Variants in NUP58 observed in about 807,000 individuals in gnomAD.
NUP58 encodes the protein nucleoporin p58/p45.
NUP58 carries 17 observed loss-of-function variants against 70.1 expected under a neutral mutation model. The ratio of observed to expected loss-of-function variants is 0.24; its 90% CI spans 0.17 to 0.36. The LOEUF (loss-of-function observed/expected upper bound fraction) is 0.36. NUP58 is among the 10% of genes least tolerant of loss of function. The probability of loss-of-function intolerance (pLI) is 1.00; values close to 1 mark genes in which losing one functional copy is unlikely to be tolerated. For missense variants in NUP58, 644 were observed against 701.5 expected, an observed-to-expected ratio of 0.92 and a Z score of 0.93; for synonymous variants, 275 against 257.6, an observed-to-expected ratio of 1.07 and a Z score of -0.65.
At chr13:25,323,855 G>A (rs1159270503) in intron 9 of NUP58, among the ~76,000 whole-genome samples, 1 of 152,150 alleles carries the variant, frequency 6.6e-6, no homozygotes, top group Non-Finnish European at 1.5e-5. Flanking sequence ...GCTTCAGCAG[G>A]CATTAGGGAT....
chr13:25,340,557 A>G lies in NUP58; in HGVS notation c.*423A>G, dbSNP rs2031923627. The G allele has an allele frequency of 6.5e-6, 1 of 153,548 alleles. No homozygotes were observed. Among genetic ancestry groups the G allele is most frequent in the African/African-American group, 2.4e-5 (1 of 41,492 alleles). 9.5% of individuals were successfully genotyped at this position (153,548 alleles called of 1,614,324 possible). On this transcript the variant is annotated 3_prime_UTR_variant, in exon 16 of 16. Coordinates refer to ENST00000381736, the MANE Select transcript of NUP58 (RefSeq NM_014089.4). ...CCTTGTTAAAGGCCTTTTGAATTAT[A>G]CTGCAGGGCATCTTGTGAATATGTA...
downstream of NUP58, among the ~76,000 whole-genome samples, chr13:25,344,996 AG>A (rs2032031662): frequency 6.6e-6 from 1 of 152,308 alleles, no homozygotes; most frequent in Middle Eastern, 3.4e-3. Flanking sequence ...TGTCCTGGGA[AG>A]TCTTGAGTTG....
intron 3 of NUP58, among the ~76,000 whole-genome samples, chr13:25,312,594 C>G (rs1021501802): frequency 2.6e-5 from 4 of 152,180 alleles, no homozygotes; most frequent in Non-Finnish European, 5.9e-5. Flanking sequence ...TCTTGAACTC[C>G]TGACCTCAAG....
At chr13:25,337,716 G>A (rs2031832991) in intron 14 of NUP58, among the ~76,000 whole-genome samples, 1 of 151,972 alleles carries the variant, frequency 6.6e-6, no homozygotes, top group African/African-American at 2.4e-5. Flanking sequence ...AATATAAGAC[G>A]GGAGACCTAT....
intron 10 of NUP58, among the ~76,000 whole-genome samples, chr13:25,325,563 A>G (rs188845935): frequency 3.9e-5 from 6 of 152,318 alleles, no homozygotes; most frequent in Non-Finnish European, 4.4e-5. Flanking sequence ...ACTGATGTTT[A>G]CCAAATGCTT....
intron 1 of NUP58, among the ~76,000 whole-genome samples, chr13:25,303,502 G>A (rs73466645): frequency 6.6e-6 from 1 of 150,988 alleles, no homozygotes; most frequent in Non-Finnish European, 1.5e-5. Context: ...TTCTCTCATG[G>A]TCCTGATCTT....
At chr13:25,343,370 A>G (rs1033256227), downstream of NUP58, among the ~76,000 whole-genome samples, 2 of 151,504 alleles carry the variant, frequency 1.3e-5, no homozygotes, top group African/African-American at 4.8e-5. Flanking sequence ...CATGTGCACA[A>G]TGTGCAGGGT....
At chr13:25,332,567 T>G in intron 13 of NUP58, 1 of 985,410 alleles carries the variant, frequency 1.0e-6, no homozygotes, top group Non-Finnish European at 1.2e-6. Context: ...TAGATTGCAT[T>G]CAAGCTACCT....
At chr13:25,320,403 C>A in intron 7 of NUP58, 127 bp from the exon 8 acceptor site, 1 of 596,746 alleles carries the variant, frequency 1.7e-6, no homozygotes. Flanking sequence ...TGAAATCATC[C>A]AGAGAAGCCA....
At chr13:25,311,808 TA>T (rs1449212835) in intron 3 of NUP58, among the ~76,000 whole-genome samples, 7 of 152,084 alleles carry the variant, frequency 4.6e-5, no homozygotes, top group Admixed American at 4.6e-4. Context: ...CTAAGGTTTT[TA>T]AGGATGCTTG....
intron 3 of NUP58, among the ~76,000 whole-genome samples, chr13:25,310,206 ATTT>A (rs796547133): frequency 2.3e-3 from 110 of 47,488 alleles, no homozygotes; most frequent in South Asian, 8.0e-3. Context: ...CCCTTGGCTA[ATTT>A]TTTTTTTTTT....
At chr13:25,327,329 A>T in intron 11 of NUP58, 101 bp from the exon 12 acceptor site, 1 of 673,408 alleles carries the variant, frequency 1.5e-6, no homozygotes, top group Non-Finnish European at 2.5e-6. Context: ...TTTTTCTCCT[A>T]CACGTTAACT....
At chr13:25,333,138 G>C in intron 13 of NUP58, 2 of 985,136 alleles carry the variant, frequency 2.0e-6, no homozygotes, top group Non-Finnish European at 2.4e-6. Context: ...GTGTGTGTGT[G>C]TGTTTAACTT....
chr13:25,328,117 T>C (rs1414506641), intron 12 of NUP58, among the ~76,000 whole-genome samples: 1 of 151,866 alleles, frequency 6.6e-6, no homozygotes, highest in Non-Finnish European at 1.5e-5. Context: ...GAGAATCGCT[T>C]GAACCCAGGA....
intron 13 of NUP58, chr13:25,334,177 C>T (rs769305237): frequency 8.4e-5 from 83 of 985,218 alleles, no homozygotes; most frequent in Middle Eastern, 5.2e-4. Context: ...ACGTGGATAA[C>T]GTAGTTCCAT....
downstream of NUP58, among the ~76,000 whole-genome samples, chr13:25,346,045 T>G (rs2032045589): frequency 6.6e-6 from 1 of 152,196 alleles, no homozygotes; most frequent in Admixed American, 6.5e-5. Flanking sequence ...CCACCCCTCT[T>G]TTAATCCCCC....
intron 3 of NUP58, among the ~76,000 whole-genome samples, chr13:25,309,622 A>G (rs553901620): frequency 6.6e-6 from 1 of 152,348 alleles, no homozygotes; most frequent in African/African-American, 2.4e-5. Flanking sequence ...TTAAGCCTCT[A>G]AAATACTTGT....
chr13:25,333,060 T>C (rs948610510), intron 13 of NUP58: 14 of 985,056 alleles, frequency 1.4e-5, no homozygotes, highest in African/African-American at 1.7e-5. Context: ...TAAAAAGTTA[T>C]GTTGTAAGTG....
At chr13:25,323,433 AAG>A (rs1450793003) in intron 9 of NUP58, among the ~76,000 whole-genome samples, 5 of 152,104 alleles carry the variant, frequency 3.3e-5, no homozygotes, top group African/African-American at 4.8e-5. Context: ...GAAGAAGAAA[AAG>A]AGAAAAAAAA....
Sources: allele counts gnomAD v4.1 joint callset (sites outside exome capture counted in the v4.1 genomes callset), GRCh38; gene constraint gnomAD v4.1.1; transcripts MANE v1.5; gene names NCBI Gene and HGNC (gene_info 2026-07-23, HGNC 2026-07-21).